Variants in FRMPD4 observed in about 807,000 individuals in gnomAD.
FRMPD4 encodes FERM and PDZ domain containing 4, also known as FERM and PDZ domain-containing protein 4.
Under a neutral mutation model 94.1 loss-of-function variants are expected in FRMPD4, and 22 were observed. The observed-to-expected ratio is 0.23, with a 90% CI of 0.17 to 0.33. The LOEUF (loss-of-function observed/expected upper bound fraction) is 0.33. Among genes scored for constraint, FRMPD4 ranks in the 10% least tolerant of loss-of-function variants. FRMPD4 has a pLI of 1.00. For missense variants in FRMPD4, 1,111 were observed against 1,339.9 expected (o/e 0.83, Z 2.67); for synonymous variants, 631 against 548.6 (o/e 1.15, Z -2.10).
chrX:12,542,302 C>A (rs1416856603), intron 2 of FRMPD4, among the ~76,000 whole-genome samples: 2 of 111,789 alleles, frequency 1.8e-5, no homozygotes, highest in African/African-American at 6.5e-5. Context: ...TCAAATTGTC[C>A]CTGTTTGCAG....
intron 2 of FRMPD4, among the ~76,000 whole-genome samples, chrX:12,569,705 A>G (rs1383190303): frequency 2.7e-5 from 3 of 112,586 alleles, no homozygotes; most frequent in African/African-American, 9.7e-5. Context: ...TTTAAAAACA[A>G]AAGAGGTATC....
chrX:12,443,906 A>C (rs2057165811), intron 1 of FRMPD4, among the ~76,000 whole-genome samples: 1 of 111,918 alleles, frequency 8.9e-6, no homozygotes, highest in Non-Finnish European at 1.9e-5. Context: ...GAAAAACTTC[A>C]ACTTGCATAT....
chrX:11,850,387 A>G (rs7888276), intron 1 of FRMPD4, among the ~76,000 whole-genome samples: 4,254 of 112,557 alleles, frequency 0.038, 123 homozygotes, highest in African/African-American at 0.097. Flanking sequence ...GGAAAAGAGT[A>G]TGATAGTTCC....
intron 3 of FRMPD4, among the ~76,000 whole-genome samples, chrX:11,919,934 A>G (rs191820534): frequency 1.8e-5 from 2 of 112,503 alleles, no homozygotes; most frequent in East Asian, 5.6e-4. Context: ...ATGGCAATGA[A>G]GATTCAGAGA....
At chrX:12,458,333 C>A (rs1356290657) in intron 1 of FRMPD4, among the ~76,000 whole-genome samples, 2 of 111,844 alleles carry the variant, frequency 1.8e-5, no homozygotes, top group Non-Finnish European at 3.8e-5. Flanking sequence ...ACCAATGAGT[C>A]CTTCTAGTTA....
At chrX:12,547,572 T>G (rs1357293233) in intron 2 of FRMPD4, among the ~76,000 whole-genome samples, 1 of 112,445 alleles carries the variant, frequency 8.9e-6, no homozygotes, top group Admixed American at 9.4e-5. Flanking sequence ...TATAGCTACT[T>G]TCACACCAGA....
At position 12,718,305 on chromosome X, in the gene FRMPD4, C is replaced by T; in HGVS notation, c.3479C>T (p.Ala1160Val). The change falls in exon 16 of 17, where the codon GCC becomes GTC. Residue 1160 changes from alanine to valine, a missense_variant. Around this residue, in one of 8 missense-constraint regions of FRMPD4, gnomAD observed 551 missense variants for 591.6 expected, o/e 0.93. Transcript: ENST00000675598. ...FLTDVTCASS[A>V]KDLDNPEDAD... Reference sequence around the variant, plus strand: ...ACTGACGTGACCTGTGCATCTTCAGCCAAAGACTTAGATAACCCAGAGGAC... The same window carrying T: ...ACTGACGTGACCTGTGCATCTTCAGTCAAAGACTTAGATAACCCAGAGGAC... 2 of 1,211,061 alleles carry T rather than the reference C, an allele frequency of 1.7e-6. No homozygotes were observed. Among genetic ancestry groups the T allele is most frequent in the Non-Finnish European group, 2.2e-6 (2 of 894,761 alleles).
rs781339341 is a variant in FRMPD4 at position 11,889,067 on chromosome X, TTTA to T, written c.95+11055_95+11057del. Among the ~76,000 whole-genome samples the T allele has an allele frequency of 7.1e-5, 8 of 112,791 alleles. No individual in the cohort carries two copies. The East Asian group carries it at 2.2e-3, about 31-fold the overall frequency. On this transcript the variant is annotated intron_variant, in intron 3 of 18. Transcript: ENST00000640291. Reference sequence around the variant, plus strand: ...AGTACCTTCTAGGCATCTGTAGAATTTTATTATTGATGCTAAAATAATTTGAGT... The same window carrying T: ...AGTACCTTCTAGGCATCTGTAGAATTTTATTGATGCTAAAATAATTTGAGT...
chrX:12,090,805 C>CT (rs2055147690), intron 3 of FRMPD4, among the ~76,000 whole-genome samples: 1 of 112,445 alleles, frequency 8.9e-6, no homozygotes, highest in Non-Finnish European at 1.9e-5. Flanking sequence ...TGATCGGATA[C>CT]TTTAAACTCA....
intron 1 of FRMPD4, among the ~76,000 whole-genome samples, chrX:12,470,567 C>A (rs1296882659): frequency 8.9e-6 from 1 of 112,096 alleles, no homozygotes; most frequent in Non-Finnish European, 1.9e-5. Flanking sequence ...TGGCTAGGCT[C>A]ACACATATTA....
intron 1 of FRMPD4, among the ~76,000 whole-genome samples, chrX:12,376,240 G>C (rs1240944488): frequency 1.8e-5 from 2 of 112,190 alleles, no homozygotes; most frequent in African/African-American, 6.5e-5. Context: ...TGAATGCTGG[G>C]AGGCCTCATT....
At chrX:11,997,956 T>G (rs1222248950) in intron 3 of FRMPD4, among the ~76,000 whole-genome samples, 2 of 111,871 alleles carry the variant, frequency 1.8e-5, no homozygotes, top group Non-Finnish European at 3.8e-5. Context: ...AAAGTCACAC[T>G]TTTTACTAAA....
chrX:11,862,137 C>G (rs2053691071), intron 1 of FRMPD4, among the ~76,000 whole-genome samples: 1 of 111,414 alleles, frequency 9.0e-6, no homozygotes, highest in African/African-American at 3.3e-5. Flanking sequence ...TCCCACCAGG[C>G]CCCACCTCCA....
intron 1 of FRMPD4, among the ~76,000 whole-genome samples, chrX:12,170,911 T>A (rs780333562): frequency 8.8e-6 from 1 of 113,348 alleles, no homozygotes; most frequent in African/African-American, 3.2e-5. Flanking sequence ...TTCCATTCAC[T>A]GGTGTGGTTC....
intron 3 of FRMPD4, among the ~76,000 whole-genome samples, chrX:11,985,098 C>G (rs777308209): frequency 1.6e-4 from 18 of 111,549 alleles, no homozygotes; most frequent in Non-Finnish European, 3.0e-4. Flanking sequence ...GCAGGAACAC[C>G]AAATATTAAC....
In FRMPD4 at chrX:12,718,672, A is replaced by G; in HGVS notation, c.3846A>G (p.Thr1282=). Residue 1282 remains threonine, a synonymous_variant, in exon 16 of 17, where the codon ACA becomes ACG. Coordinates refer to ENST00000675598, the MANE Select transcript of FRMPD4 (RefSeq NM_001368397.1). ...CCTTTAAGGAACTGCACCCACAGAC[A>G]GAAGGGATGTGTCCACGGATGACAG... ...GATFKELHPQ[T]EGMCPRMTVP... is the part of the protein sequence containing the mutation. 2.5e-6 allele frequency: 3 copies of G among 1,208,294 alleles called. No homozygotes were observed. Among genetic ancestry groups the G allele is most frequent in the Non-Finnish European group, 3.4e-6 (3 of 892,152 alleles).
chrX:12,610,017 C>A, intron 3 of FRMPD4, 136 bp downstream of exon 3: 1 of 547,620 alleles, frequency 1.8e-6, no homozygotes, highest in East Asian at 3.6e-5. Flanking sequence ...AGAGTCACTT[C>A]ACCAGAGGAA....
intron 1 of FRMPD4, among the ~76,000 whole-genome samples, chrX:12,328,855 G>C (rs771864194): frequency 1.8e-5 from 2 of 111,809 alleles, no homozygotes; most frequent in Non-Finnish European, 3.8e-5. Flanking sequence ...TACAGTTCAG[G>C]TATTAGAAAG....
chrX:12,289,965 A>G (rs1367209374), intron 1 of FRMPD4, among the ~76,000 whole-genome samples: 4 of 112,008 alleles, frequency 3.6e-5, no homozygotes, highest in Admixed American at 1.9e-4. Context: ...AGTAAATGCT[A>G]GGACACATTT....
Sources: gnomAD v4.1 joint callset for allele counts (sites outside exome capture counted in the v4.1 genomes callset) on GRCh38, gnomAD v4.1.1 for gene constraint, gnomAD v4.1.1 regional missense constraint, MANE v1.5 for transcripts, NCBI Gene and HGNC (gene_info 2026-07-23, HGNC 2026-07-21) for gene names.